Variants in BTBD2 observed in about 807,000 individuals in gnomAD.
BTBD2 encodes the protein BTB/POZ domain-containing protein 2.
In BTBD2, 15 loss-of-function variants were observed where a neutral mutation model predicts 44.0. That is an observed-to-expected ratio of 0.34 (90% CI 0.23 to 0.53). The LOEUF is 0.53. Ranked by LOEUF, BTBD2 falls within the 20% of genes least tolerant of loss-of-function variation. The probability of loss-of-function intolerance (pLI) is 0.95; values close to 1 mark genes in which losing one functional copy is unlikely to be tolerated. For missense variants in BTBD2, 657 were observed against 746.4 expected, an observed-to-expected ratio of 0.88 and a Z score of 1.39; for synonymous variants, 443 against 335.9, an observed-to-expected ratio of 1.32 and a Z score of -3.49.
chr19:1,994,643 C>G (rs1215163265), intron 2 of BTBD2, among the ~76,000 whole-genome samples: 1 of 151,976 alleles, frequency 6.6e-6, no homozygotes, highest in Non-Finnish European at 1.5e-5. Context: ...CCTGTAGTCC[C>G]AGGTACTCAG....
At chr19:2,000,935 C>A (rs191568190) in intron 1 of BTBD2, among the ~76,000 whole-genome samples, 5 of 152,254 alleles carry the variant, frequency 3.3e-5, no homozygotes, top group African/African-American at 9.6e-5. Context: ...CACAGAAGGA[C>A]AAATCCTGTG....
intron 1 of BTBD2, among the ~76,000 whole-genome samples, chr19:2,012,270 A>G (rs2016475761): frequency 2.0e-5 from 3 of 150,998 alleles, no homozygotes; most frequent in Non-Finnish European, 4.4e-5. Context: ...CTCCTGCCTC[A>G]GCCTCCTGAG....
chr19:2,013,311 G>A (rs2145656970), intron 1 of BTBD2, among the ~76,000 whole-genome samples: 1 of 152,286 alleles, frequency 6.6e-6, no homozygotes, highest in East Asian at 1.9e-4. Flanking sequence ...GGAGTGGAGG[G>A]AACCTGGGGC....
intron 1 of BTBD2, among the ~76,000 whole-genome samples, chr19:2,010,605 T>C (rs1327943117): frequency 6.6e-6 from 1 of 150,740 alleles, no homozygotes; most frequent in Admixed American, 6.6e-5. Context: ...CTCCAGACTT[T>C]ATCCCAGCAC....
At chr19:1,991,901 G>T (rs2016184509) in intron 3 of BTBD2, 1 of 151,906 alleles carries the variant, frequency 6.6e-6, no homozygotes, top group African/African-American at 2.4e-5. Context: ...GAGAGAGAGA[G>T]AAAGTTCTCT....
intron 4 of BTBD2, 183 bp from the exon 5 acceptor site, chr19:1,990,384 C>T: frequency 1.5e-6 from 1 of 676,216 alleles, no homozygotes; most frequent in Non-Finnish European, 2.5e-6. Flanking sequence ...CACGCCCCTT[C>T]ATTTTCCTCG....
At chr19:2,003,522 C>CA (rs1488220351) in intron 1 of BTBD2, 1 of 152,078 alleles carries the variant, frequency 6.6e-6, no homozygotes, top group Non-Finnish European at 1.5e-5. Flanking sequence ...GTAATCCCAG[C>CA]ACTATGGGAG....
In BTBD2 at chr19:1,985,580, C is replaced by A. The variant is rs572871399; in HGVS notation, c.*908G>T. The A allele has an allele frequency of 6.7e-6, 1 of 148,712 alleles. No individual in the cohort carries two copies. Among genetic ancestry groups the A allele is most frequent in the African/African-American group, 2.5e-5 (1 of 40,640 alleles). The allele number at this position is 148,712 out of a possible 1,614,324, so 9.2% of individuals were successfully genotyped here. ...CAGAAACACGCGGGGTGGGTGGGGG[C>A]GTGGCCGGAGTGGGGAGGGGCTGTG... On this transcript the variant is annotated 3_prime_UTR_variant, in exon 9 of 9. Transcript: ENST00000255608.
intron 1 of BTBD2, among the ~76,000 whole-genome samples, chr19:2,014,955 G>A (rs1048389737): frequency 1.3e-5 from 2 of 151,522 alleles, no homozygotes; most frequent in African/African-American, 4.9e-5. Context: ...TGCAGAGGCA[G>A]GGACAGAGGG....
chr19:2,015,597 G>T lies in BTBD2; in HGVS notation c.107C>A (p.Pro36Gln). Residue 36 changes from proline to glutamine, a missense_variant, in exon 1 of 9, where the codon CCG (proline) becomes CAG (glutamine). By Grantham distance (76) the Pro-to-Gln change is moderately conservative (BLOSUM62 -1). Transcript: ENST00000255608. ...GGCGGCGGCCGCGTTGCCGGGGGCCGGGGTGGCGGCGGCGTTGGCGCTGGG... is the reference window on the plus strand; with the variant it reads ...GGCGGCGGCCGCGTTGCCGGGGGCCTGGGTGGCGGCGGCGTTGGCGCTGGG... The part of the protein sequence containing the change: ...PGPSANAAAT[P>Q]APGNAAAAAA... 1.0e-6 allele frequency: 1 copy of T among 970,408 alleles called. No individual in the cohort carries two copies. The highest frequency in any genetic ancestry group is 4.7e-5 in the South Asian group (1 of 21,428). 60.1% of individuals were successfully genotyped at this position (970,408 alleles called of 1,614,324 possible).
chr19:2,010,859 A>G (rs7259882), intron 1 of BTBD2, among the ~76,000 whole-genome samples: 74,761 of 151,888 alleles, frequency 0.49, 18,939 homozygotes, highest in East Asian at 0.69. Context: ...GGCTGGTCTC[A>G]AACCCCTGAC....
rs1359477395 is a variant in BTBD2, at chr19:1,997,475, G to A, written c.408-12C>T. ...CGGCCAGCACGAACCTGGTACGGGA[G>A]AGAGAAGGCCCTGGTTAAGCCCGTG... is the stretch of plus-strand genomic sequence containing the variant. On this transcript the variant is annotated splice_polypyrimidine_tract_variant and intron_variant, in intron 1 of 8. Transcript: ENST00000255608. The A allele has an allele frequency of 6.2e-7, 1 of 1,613,814 alleles. No homozygotes were observed. The highest frequency in any genetic ancestry group is 2.2e-5 in the East Asian group (1 of 44,876).
chr19:1,990,672 C>T (rs376863189), intron 4 of BTBD2, 45 bp downstream of exon 4: 25 of 1,460,232 alleles, frequency 1.7e-5, no homozygotes, highest in South Asian at 2.5e-5. Flanking sequence ...ACCCTCCCGC[C>T]GAGGCCCCGC....
intron 2 of BTBD2, among the ~76,000 whole-genome samples, chr19:1,996,103 T>C (rs2016248124): frequency 6.6e-6 from 1 of 152,232 alleles, no homozygotes; most frequent in Non-Finnish European, 1.5e-5. Context: ...CAAAAAATTA[T>C]TTAACCCTAT....
Position 1,990,170 on chromosome 19 carries a change from T to C in BTBD2, c.822A>G (p.Thr274=), listed in dbSNP as rs756893664. Residue 274 remains threonine (T), a synonymous_variant, in exon 5 of 9, where the codon ACA becomes ACG. Transcript: ENST00000255608. The stretch of plus-strand genomic sequence containing the variant: ...ACAGCCGCACCTCACGGATGCCCAG[T>C]GTGTCGCGCTCCAGGACAGCCACCA... ...DTLVAVLERD[T]LGIREVRLFN... is the part of the protein sequence containing the mutation. 3 of 1,608,088 alleles carry C rather than the reference T, an allele frequency of 1.9e-6. No individual in the cohort carries two copies. Among genetic ancestry groups the C allele is most frequent in the South Asian group, 1.1e-5 (1 of 90,320 alleles).
At chr19:2,010,151 CA>C (rs1568223507) in intron 1 of BTBD2, among the ~76,000 whole-genome samples, 4 of 151,352 alleles carry the variant, frequency 2.6e-5, no homozygotes, top group African/African-American at 9.7e-5. Context: ...GACTCCGTCT[CA>C]AAAAAAAGAA....
At chr19:1,987,720 G>A in intron 5 of BTBD2, 28 bp from the exon 6 acceptor site, 1 of 1,557,726 alleles carries the variant, frequency 6.4e-7, no homozygotes, top group South Asian at 1.2e-5. Flanking sequence ...TGTGGGGGAG[G>A]GCCGGGCTGC....
chr19:2,013,602 T>C, intron 1 of BTBD2: 1 of 988,260 alleles, frequency 1.0e-6, no homozygotes, highest in Non-Finnish European at 1.2e-6. Context: ...AGGTGGGTGG[T>C]CACTGAAGTG....
At chr19:1,989,800 G>A (rs762299532) in intron 5 of BTBD2, 12 of 612,508 alleles carry the variant, frequency 2.0e-5, no homozygotes, top group Non-Finnish European at 2.6e-5. Context: ...GTCTGGCAGT[G>A]TGCACGGTGG....
Sources: gnomAD v4.1 joint callset for allele counts (sites outside exome capture counted in the v4.1 genomes callset) on GRCh38, gnomAD v4.1.1 for gene constraint, MANE v1.5 for transcripts, NCBI Gene and HGNC (gene_info 2026-07-23, HGNC 2026-07-21) for gene names.